The following SLC28A1 variants were observed in gnomAD, a reference collection of about 807,000 sequenced individuals.
SLC28A1 encodes sodium/nucleoside cotransporter 1.
Under a neutral mutation model 74.8 loss-of-function variants are expected in SLC28A1, and 64 were observed. The observed-to-expected ratio is 0.86, with a 90% CI of 0.70 to 1.05. The LOEUF is 1.05. Ranked by LOEUF, SLC28A1 falls within the 50% of genes least tolerant of loss-of-function variation. The probability of loss-of-function intolerance (pLI) is 0.00; values close to 1 mark genes in which losing one functional copy is unlikely to be tolerated. For missense variants in SLC28A1, 828 were observed against 822.8 expected, an observed-to-expected ratio of 1.01 and a Z score of -0.08; for synonymous variants, 359 against 335.0, an observed-to-expected ratio of 1.07 and a Z score of -0.78.
chr15:84,909,006 A>G (rs559056037), intron 9 of SLC28A1, among the ~76,000 whole-genome samples: 1 of 146,080 alleles, frequency 6.8e-6, no homozygotes, highest in African/African-American at 2.6e-5. Flanking sequence ...TATATTTTGT[A>G]AAATTTGCAA....
At chr15:84,960,228 C>CTTTTTTTTTTTTTTTTTTTT in the SLC28A1 span, among the ~76,000 whole-genome samples, 2 of 85,590 alleles carry the variant, frequency 2.3e-5, no homozygotes, top group Non-Finnish European at 4.2e-5. Context: ...TGCCTGCCTG[C>CTTTTTTTTTTTTTTTTTTTT]TTTTTTTTTT....
chr15:84,889,109 G>A (rs1467266913), intron 4 of SLC28A1, among the ~76,000 whole-genome samples: 1 of 152,164 alleles, frequency 6.6e-6, no homozygotes, highest in African/African-American at 2.4e-5. Context: ...GTACCGTGGG[G>A]CCTGCCCTGA....
intron 5 of SLC28A1, among the ~76,000 whole-genome samples, chr15:84,894,411 C>G (rs577300518): frequency 6.6e-6 from 1 of 152,124 alleles, no homozygotes; most frequent in Non-Finnish European, 1.5e-5. Flanking sequence ...ACATCTCCCC[C>G]TCTGCTATCC....
Position 84,905,601 on chromosome 15 carries a change from C to G in SLC28A1, c.666C>G (p.Ile222Met). 6.2e-7 allele frequency: 1 copy of G among 1,614,186 alleles called. No individual in the cohort carries two copies. Among genetic ancestry groups the G allele is most frequent in the Middle Eastern group, 1.6e-4 (1 of 6,062 alleles). Residue 222 changes from isoleucine to methionine, a missense_variant, in exon 8 of 19, where the codon ATC (isoleucine) becomes ATG (methionine). Transcript: ENST00000394573. ...GLQFVLGLLV[I>M]RTEPGFIAFE... ...AGTTTGTACTTGGACTCCTCGTCAT[C>G]AGAACAGAACCAGGATTCATTGCGT...
chr15:84,905,107 G>A (rs1048259840), intron 7 of SLC28A1, among the ~76,000 whole-genome samples: 5 of 152,204 alleles, frequency 3.3e-5, no homozygotes, highest in Non-Finnish European at 5.9e-5. Flanking sequence ...AGTCGGGGTC[G>A]AGGCGGCTGG....
intron 9 of SLC28A1, among the ~76,000 whole-genome samples, chr15:84,911,204 A>C (rs1968164733): frequency 6.6e-6 from 1 of 151,606 alleles, no homozygotes; most frequent in African/African-American, 2.4e-5. Context: ...CCCTGGCCAC[A>C]TTAGCTATGT....
At chr15:84,946,094 A>T (rs1266141713), downstream of SLC28A1, among the ~76,000 whole-genome samples, 13 of 14,172 alleles carry the variant, frequency 9.2e-4, no homozygotes, top group African/African-American at 2.6e-3. Context: ...TCATATATAT[A>T]TATATATATA....
At chr15:84,908,683 T>A (rs1400971028) in intron 8 of SLC28A1, 35 bp from the exon 9 acceptor site, 1 of 1,580,392 alleles carries the variant, frequency 6.3e-7, no homozygotes, top group African/African-American at 1.3e-5. Context: ...CCAGCCTCAC[T>A]GCCTGTTTTT....
intron 9 of SLC28A1, among the ~76,000 whole-genome samples, chr15:84,910,160 T>C (rs1967927300): frequency 6.6e-6 from 1 of 152,170 alleles, no homozygotes; most frequent in African/African-American, 2.4e-5. Flanking sequence ...GTTCCTATCT[T>C]CTCTGAAGTC....
At chr15:84,969,230 G>T in the SLC28A1 span, among the ~76,000 whole-genome samples, 1 of 152,176 alleles carries the variant, frequency 6.6e-6, no homozygotes, top group African/African-American at 2.4e-5. Flanking sequence ...GAGATTCCTA[G>T]CAACCAGGAG....
At chr15:84,973,460 T>TGCCATGGCC in the SLC28A1 span, among the ~76,000 whole-genome samples, 6 of 152,180 alleles carry the variant, frequency 3.9e-5, no homozygotes. Context: ...CCAAGCCAAT[T>TGCCATGGCC]GCCATGGCCA....
At chr15:84,972,687 A>G in the SLC28A1 span, among the ~76,000 whole-genome samples, 7 of 152,182 alleles carry the variant, frequency 4.6e-5, no homozygotes, top group African/African-American at 1.4e-4. Context: ...AAGAACTTTT[A>G]CTAAGACTCC....
At chr15:84,944,486 G>T in intron 16 of SLC28A1, 80 bp from the exon 17 acceptor site, 1 of 913,850 alleles carries the variant, frequency 1.1e-6, no homozygotes, top group Non-Finnish European at 1.8e-6. Context: ...AGGGAGGTCA[G>T]CAGATGCAGC....
chr15:84,974,359 G>A, the SLC28A1 span, among the ~76,000 whole-genome samples: 1 of 152,186 alleles, frequency 6.6e-6, no homozygotes, highest in South Asian at 2.1e-4. Context: ...TTGCACAGTG[G>A]AGACATTCTG....
chr15:84,916,240 C>CAGGTGTGGGCCACCATGCCTGGCCTTT (rs1555449976), intron 9 of SLC28A1, among the ~76,000 whole-genome samples: 1 of 98,422 alleles, frequency 1.0e-5, no homozygotes, highest in Admixed American at 9.8e-5. Flanking sequence ...GCTGGGATTA[C>CAGGTGTGGGCCACCATGCCTGGCCTTT]TTTTTTTTTT....
intron 6 of SLC28A1, chr15:84,895,843 G>C: frequency 1.9e-6 from 2 of 1,077,976 alleles, no homozygotes; most frequent in Non-Finnish European, 2.3e-6. Flanking sequence ...GAAGAAGCTG[G>C]TGACCAAAGA....
chr15:84,944,561 T>A lies in SLC28A1; in HGVS notation c.1664-5T>A. On this transcript the variant is annotated splice_region_variant and splice_polypyrimidine_tract_variant and intron_variant, in intron 16 of 18. Coordinates refer to ENST00000394573, the MANE Select transcript of SLC28A1 (RefSeq NM_004213.5). ...CAGGCCCTGAGCACTTCTGTCCCCT[T>A]GCAGCCTCCATGGTCCCCCAACGGA... The A allele has an allele frequency of 6.2e-7, 1 of 1,609,700 alleles. No homozygotes were observed. Among genetic ancestry groups the A allele is most frequent in the Non-Finnish European group, 8.5e-7 (1 of 1,176,142 alleles).
chr15:84,912,033 C>T (rs1968332273), intron 9 of SLC28A1, among the ~76,000 whole-genome samples: 1 of 152,166 alleles, frequency 6.6e-6, no homozygotes, highest in Non-Finnish European at 1.5e-5. Context: ...CCCTGGTAGG[C>T]CCTGTCCTCT....
At chr15:84,889,301 G>A (rs913207281) in intron 4 of SLC28A1, among the ~76,000 whole-genome samples, 2 of 152,244 alleles carry the variant, frequency 1.3e-5, no homozygotes, top group Non-Finnish European at 2.9e-5. Flanking sequence ...CATAGGCAGC[G>A]AGTGTCTGAG....
Sources: gnomAD v4.1 joint callset for allele counts (sites outside exome capture counted in the v4.1 genomes callset) on GRCh38, gnomAD v4.1.1 for gene constraint, MANE v1.5 for transcripts, NCBI Gene and HGNC (gene_info 2026-07-23, HGNC 2026-07-21) for gene names.